The following FRMD3 variants were observed in gnomAD, a reference collection of about 807,000 sequenced individuals.
FRMD3 encodes the protein FERM domain containing 3.
Under a neutral mutation model 70.2 loss-of-function variants are expected in FRMD3, and 33 were observed. That is an observed-to-expected ratio of 0.47 (90% CI 0.36 to 0.63). FRMD3 has a LOEUF of 0.63. Ranked by LOEUF, FRMD3 falls within the 20% of genes least tolerant of loss-of-function variation. The pLI is 0.00. For missense variants in FRMD3, 632 were observed against 711.4 expected (o/e 0.89, Z 1.27); for synonymous variants, 279 against 255.9 (o/e 1.09, Z -0.86).
chr9:83,449,366 G>C (rs962855640), intron 1 of FRMD3, among the ~76,000 whole-genome samples: 3 of 152,256 alleles, frequency 2.0e-5, no homozygotes, highest in Non-Finnish European at 4.4e-5. Flanking sequence ...GTGAACAGCT[G>C]TAAAATATCT....
intron 1 of FRMD3, among the ~76,000 whole-genome samples, chr9:83,532,404 A>G (rs79370211): frequency 0.011 from 1,732 of 152,322 alleles, 34 homozygotes; most frequent in African/African-American, 0.04. Flanking sequence ...AAGGGCAGAA[A>G]TGATATTTAA....
At chr9:83,539,345 C>A (rs999559057), upstream of FRMD3, among the ~76,000 whole-genome samples, 3 of 152,134 alleles carry the variant, frequency 2.0e-5, no homozygotes, top group Admixed American at 1.3e-4. Flanking sequence ...ACCGTAGGCC[C>A]GAGAGTGGCC....
intron 1 of FRMD3, among the ~76,000 whole-genome samples, chr9:83,535,398 C>T (rs1829870757): frequency 6.6e-6 from 1 of 152,088 alleles, no homozygotes; most frequent in Admixed American, 6.6e-5. Flanking sequence ...CTAATGAGCT[C>T]CCAAGGATGT....
At chr9:83,362,026 T>C (rs1824601398) in intron 3 of FRMD3, among the ~76,000 whole-genome samples, 1 of 152,132 alleles carries the variant, frequency 6.6e-6, no homozygotes, top group African/African-American at 2.4e-5. Context: ...ACCCAGTATG[T>C]GATAATTTAT....
At chr9:83,315,364 G>A (rs1327834703) in intron 6 of FRMD3, among the ~76,000 whole-genome samples, 1 of 152,168 alleles carries the variant, frequency 6.6e-6, no homozygotes, top group Admixed American at 6.5e-5. Context: ...AGAGTGGGAT[G>A]TGCCGTGTGG....
At chr9:83,569,560 AAAGTAGCCATTTGATTGC>A in the FRMD3 span, among the ~76,000 whole-genome samples, 1 of 152,226 alleles carries the variant, frequency 6.6e-6, no homozygotes, top group African/African-American at 2.4e-5. Flanking sequence ...TTGAGGAAGG[AAAGTAGCCATTTGATTGC>A]TGCTGTTTCC....
rs72743038 is a variant in FRMD3, at chr9:83,265,527, A to G, written c.1196-17011T>C. On this transcript the variant is annotated intron_variant, in intron 13 of 13. Coordinates refer to ENST00000304195, the MANE Select transcript of FRMD3 (RefSeq NM_174938.6). The stretch of plus-strand genomic sequence containing the variant: ...TATAAAGGATTAATATTCACATTAT[A>G]AAAGAAATACTACAATCTATAAGGA... Among the ~76,000 whole-genome samples the G allele has an allele frequency of 8.3e-3, 1,263 of 152,292 alleles. 6 individuals are homozygous for G. Among genetic ancestry groups the G allele is most frequent in the Middle Eastern group, 0.024 (7 of 294 alleles).
Position 83,334,016 on chromosome 9 carries a change from C to T in FRMD3, c.596+1500G>A, listed in dbSNP as rs573974711. On this transcript the variant is annotated intron_variant, in intron 6 of 13. Coordinates refer to ENST00000304195, the MANE Select transcript of FRMD3 (RefSeq NM_174938.6). Reference sequence around the variant, plus strand: ...GTATATTATTATCCTATGTTCTGAGCGTTAGAGGCCCTGCAAATTCAGGGC... The same window carrying T: ...GTATATTATTATCCTATGTTCTGAGTGTTAGAGGCCCTGCAAATTCAGGGC... Among the ~76,000 whole-genome samples, 10 of 152,132 alleles carry T rather than the reference C, an allele frequency of 6.6e-5. No individual in the cohort carries two copies. The South Asian group carries it at 2.1e-3, about 32-fold the overall frequency.
chr9:83,499,882 CTG>C (rs1402916469), intron 1 of FRMD3, among the ~76,000 whole-genome samples: 20 of 152,174 alleles, frequency 1.3e-4, no homozygotes, highest in African/African-American at 3.9e-4. Context: ...GTTACACAAA[CTG>C]TGGTACATCC....
the FRMD3 span, among the ~76,000 whole-genome samples, chr9:83,582,029 T>C: frequency 6.6e-6 from 1 of 152,200 alleles, no homozygotes; most frequent in African/African-American, 2.4e-5. Flanking sequence ...TTGTATGATA[T>C]AAGAATTATA....
At chr9:83,367,155 T>G (rs183371166) in intron 3 of FRMD3, among the ~76,000 whole-genome samples, 1 of 152,208 alleles carries the variant, frequency 6.6e-6, no homozygotes. Flanking sequence ...GTTAACACTT[T>G]GTTTGAAGGC....
At chr9:83,274,379 CAGAA>C (rs1286736521) in intron 13 of FRMD3, among the ~76,000 whole-genome samples, 2 of 151,804 alleles carry the variant, frequency 1.3e-5, no homozygotes, top group Admixed American at 6.6e-5. Context: ...TTTAAACTGA[CAGAA>C]AGAGGTGTTT....
intron 1 of FRMD3, among the ~76,000 whole-genome samples, chr9:83,452,070 C>T (rs1311345193): frequency 1.3e-5 from 2 of 152,184 alleles, no homozygotes; most frequent in African/African-American, 2.4e-5. Context: ...TCCTTGCCCC[C>T]TTTTCTGGGC....
intron 1 of FRMD3, among the ~76,000 whole-genome samples, chr9:83,505,223 C>A (rs1360956231): frequency 6.6e-6 from 1 of 152,142 alleles, no homozygotes; most frequent in Non-Finnish European, 1.5e-5. Flanking sequence ...AATGTGAAAT[C>A]TTGTAAAATA....
Position 83,313,733 on chromosome 9 carries a change from G to A in FRMD3, c.611C>T (p.Pro204Leu). Residue 204 changes from proline (P) to leucine (L), a missense_variant, in exon 7 of 14, where the codon CCA (proline) becomes CTA (leucine). By Grantham distance (98) the Pro-to-Leu change is moderately conservative (BLOSUM62 -3). Coordinates refer to ENST00000304195, the MANE Select transcript of FRMD3 (RefSeq NM_174938.6). ...CAGGAGCAAGTTAAATTCAGCAACT[G>A]GTGGGCTCTGCCCCCTAAAATCACA... ...HKNELRGQSPPVAEFNLLLKA... is the reference protein window; with the variant it reads ...HKNELRGQSPLVAEFNLLLKA... 1.2e-6 allele frequency: 2 copies of A among 1,613,936 alleles called. No individual in the cohort carries two copies. The highest frequency in any genetic ancestry group is 1.7e-6 in the Non-Finnish European group (2 of 1,179,844).
At chr9:83,580,894 A>G in the FRMD3 span, among the ~76,000 whole-genome samples, 3 of 152,166 alleles carry the variant, frequency 2.0e-5, no homozygotes, top group African/African-American at 7.2e-5. Context: ...TGATTTGTCA[A>G]TTAAAAATAA....
chr9:83,479,236 A>C (rs1041923310), intron 1 of FRMD3, among the ~76,000 whole-genome samples: 1 of 151,454 alleles, frequency 6.6e-6, no homozygotes, highest in Non-Finnish European at 1.5e-5. Context: ...GATCTCTTGA[A>C]ACCAGGAGTT....
intron 1 of FRMD3, among the ~76,000 whole-genome samples, chr9:83,447,588 G>A (rs1827518617): frequency 6.6e-6 from 1 of 152,206 alleles, no homozygotes; most frequent in Admixed American, 6.5e-5. Context: ...AGTCAGAATT[G>A]GCAGCGACCC....
intron 1 of FRMD3, among the ~76,000 whole-genome samples, chr9:83,528,955 C>T (rs1298427819): frequency 6.6e-6 from 1 of 152,092 alleles, no homozygotes; most frequent in African/African-American, 2.4e-5. Context: ...TAACAATAAA[C>T]CCACTGTACA....
Sources: allele counts gnomAD v4.1 joint callset (sites outside exome capture counted in the v4.1 genomes callset), GRCh38; gene constraint gnomAD v4.1.1; transcripts MANE v1.5; gene names NCBI Gene and HGNC (gene_info 2026-07-23, HGNC 2026-07-21).